Variants in TMEM132D observed in about 807,000 individuals in gnomAD.
TMEM132D encodes transmembrane protein 132D, also known as mature OL transmembrane protein.
In TMEM132D, 21 loss-of-function variants were observed where a neutral mutation model predicts 62.3. The ratio of observed to expected loss-of-function variants is 0.34; its 90% confidence interval spans 0.24 to 0.49. The LOEUF is 0.49. Ranked by LOEUF, TMEM132D falls within the 20% of genes least tolerant of loss-of-function variation. The pLI is 0.99. For missense variants in TMEM132D, 1,346 were observed against 1,402.8 expected (o/e 0.96, Z 0.65); for synonymous variants, 621 against 575.6 (o/e 1.08, Z -1.13).
intron 5 of TMEM132D, among the ~76,000 whole-genome samples, chr12:129,106,875 G>A (rs773795624): frequency 7.9e-5 from 12 of 152,294 alleles, no homozygotes; most frequent in Admixed American, 1.3e-4. Context: ...ATGCTGAGCC[G>A]TCACTGCATG....
At chr12:129,431,986 G>A (rs766422511) in intron 3 of TMEM132D, among the ~76,000 whole-genome samples, 2 of 152,198 alleles carry the variant, frequency 1.3e-5, no homozygotes, top group African/African-American at 2.4e-5. Context: ...ATGTTGCAAC[G>A]TCAGAGAGAA....
chr12:129,483,581 G>T (rs1030707099), intron 3 of TMEM132D, among the ~76,000 whole-genome samples: 1 of 152,208 alleles, frequency 6.6e-6, no homozygotes, highest in Non-Finnish European at 1.5e-5. Flanking sequence ...ATTGGTAAAA[G>T]AAAAAGCCAG....
intron 5 of TMEM132D, among the ~76,000 whole-genome samples, chr12:129,140,159 G>A (rs1008935035): frequency 2.6e-5 from 4 of 151,054 alleles, no homozygotes; most frequent in African/African-American, 4.9e-5. Context: ...TGTGAATGCC[G>A]CAGTCAATTG....
rs1319901065 is a variant in TMEM132D, at chr12:129,316,992, G to A, written c.1299+20642C>T. Among the ~76,000 whole-genome samples the A allele has an allele frequency of 4.6e-5, 7 of 152,120 alleles. No individual in the cohort carries two copies. The East Asian group carries it at 5.8e-4, about 13-fold the overall frequency. ...TCTTGCTCGCTTTTGGTGTCCATTCGTATGACACTCCTTTACTTTAAGTTT... is the reference window on the plus strand; with the variant it reads ...TCTTGCTCGCTTTTGGTGTCCATTCATATGACACTCCTTTACTTTAAGTTT... On this transcript the variant is annotated intron_variant, in intron 4 of 8. Coordinates refer to ENST00000422113, the MANE Select transcript of TMEM132D (RefSeq NM_133448.3).
At chr12:129,875,706 G>A (rs1430367765) in intron 1 of TMEM132D, among the ~76,000 whole-genome samples, 1 of 152,186 alleles carries the variant, frequency 6.6e-6, no homozygotes, top group African/African-American at 2.4e-5. Flanking sequence ...GAGGCAACGG[G>A]AAAAGCATGC....
chr12:129,849,259 A>C (rs186058316), intron 1 of TMEM132D, among the ~76,000 whole-genome samples: 13 of 152,202 alleles, frequency 8.5e-5, no homozygotes, highest in Non-Finnish European at 1.8e-4. Context: ...TGACATCTCT[A>C]TATATAAATA....
chr12:129,549,119 G>T (rs889489480), intron 2 of TMEM132D, among the ~76,000 whole-genome samples: 1 of 151,844 alleles, frequency 6.6e-6, no homozygotes, highest in Non-Finnish European at 1.5e-5. Context: ...TGTGTTGTGG[G>T]AGGGACCTGG....
intron 5 of TMEM132D, among the ~76,000 whole-genome samples, chr12:129,136,320 C>G (rs1204574410): frequency 6.6e-6 from 1 of 152,158 alleles, no homozygotes; most frequent in Non-Finnish European, 1.5e-5. Flanking sequence ...TCTGAGATTG[C>G]CCAAGTGTCT....
chr12:129,452,227 G>A (rs1156630492), intron 3 of TMEM132D, among the ~76,000 whole-genome samples: 1 of 152,194 alleles, frequency 6.6e-6, no homozygotes, highest in Non-Finnish European at 1.5e-5. Flanking sequence ...AATAGCGCCT[G>A]TCTTGGAAAA....
intron 3 of TMEM132D, among the ~76,000 whole-genome samples, chr12:129,378,299 C>T (rs1320443824): frequency 6.6e-6 from 1 of 152,194 alleles, no homozygotes; most frequent in Non-Finnish European, 1.5e-5. Context: ...AGGCATCTTC[C>T]ATGTCTAACG....
At chr12:129,340,336 C>G (rs779597812) in intron 3 of TMEM132D, among the ~76,000 whole-genome samples, 1 of 151,614 alleles carries the variant, frequency 6.6e-6, no homozygotes, top group Non-Finnish European at 1.5e-5. Context: ...ACTTTAAGTT[C>G]TAGGGTACAT....
At chr12:129,124,205 C>T (rs913390809) in intron 5 of TMEM132D, among the ~76,000 whole-genome samples, 5 of 152,166 alleles carry the variant, frequency 3.3e-5, no homozygotes, top group Non-Finnish European at 7.3e-5. Context: ...TCTTTCTCCA[C>T]TTCTGCCTCC....
At position 129,073,945 on chromosome 12, in the gene TMEM132D, C is replaced by A. The variant is rs2135601384; in HGVS notation, c.3230G>T (p.Cys1077Phe). ...GCAGTCCCCAGGGTCCAGATCCTGGCAGACCCACTTAATGTCATCCTCGCT... is the reference window on the plus strand; with the variant it reads ...GCAGTCCCCAGGGTCCAGATCCTGGAAGACCCACTTAATGTCATCCTCGCT... ...MSSEDDIKWV[C>F]QDLDPGDCKE... The change falls in exon 9 of 9, where the codon TGC (cysteine) becomes TTC (phenylalanine). Residue 1077 changes from cysteine (C) to phenylalanine (F), a missense_variant. Transcript: ENST00000422113. 1 of 1,607,546 alleles carries A rather than the reference C, an allele frequency of 6.2e-7. No homozygotes were observed.
chr12:129,180,248 A>T (rs1035717332), intron 5 of TMEM132D, among the ~76,000 whole-genome samples: 2 of 149,604 alleles, frequency 1.3e-5, no homozygotes, highest in African/African-American at 5.1e-5. Flanking sequence ...AGCAGTCTGC[A>T]CTTCATATTT....
intron 1 of TMEM132D, among the ~76,000 whole-genome samples, chr12:129,720,160 C>T (rs924526066): frequency 6.6e-6 from 1 of 152,078 alleles, no homozygotes; most frequent in Non-Finnish European, 1.5e-5. Context: ...GTGTCTTTCC[C>T]TGGTGTCAGG....
chr12:129,822,687 G>T (rs545659210), intron 1 of TMEM132D, among the ~76,000 whole-genome samples: 1 of 152,308 alleles, frequency 6.6e-6, no homozygotes, highest in East Asian at 1.9e-4. Context: ...GTGGCGGAAG[G>T]CACCTTCTCA....
intron 7 of TMEM132D, 124 bp downstream of exon 7, chr12:129,081,635 A>G (rs1486572349): frequency 7.3e-7 from 1 of 1,371,690 alleles, no homozygotes; most frequent in African/African-American, 1.4e-5. Flanking sequence ...ATTTCTTTGA[A>G]TTTACCCATC....
chr12:129,225,033 G>A (rs1879445174), intron 4 of TMEM132D, among the ~76,000 whole-genome samples: 1 of 152,068 alleles, frequency 6.6e-6, no homozygotes, highest in South Asian at 2.1e-4. Flanking sequence ...TGCGAGCTTT[G>A]GGGCCAGACA....
chr12:129,632,272 G>A (rs761969000), intron 2 of TMEM132D, among the ~76,000 whole-genome samples: 7 of 152,124 alleles, frequency 4.6e-5, no homozygotes, highest in Non-Finnish European at 7.3e-5. Flanking sequence ...GGCTGAGGAC[G>A]GAAGGAGAAC....
Sources: gnomAD v4.1 joint callset for allele counts (sites outside exome capture counted in the v4.1 genomes callset) on GRCh38, gnomAD v4.1.1 for gene constraint, MANE v1.5 for transcripts, NCBI Gene and HGNC (gene_info 2026-07-23, HGNC 2026-07-21) for gene names.